Variants in NOL10 observed in about 807,000 individuals in gnomAD.
NOL10 encodes the protein nucleolar protein 10, also known as H_NH0074G24.1.
Under a neutral mutation model 103.5 loss-of-function variants are expected in NOL10, and 58 were observed. That is an observed-to-expected ratio of 0.56 (90% CI 0.45 to 0.70). The LOEUF is 0.70. Ranked by LOEUF, NOL10 falls within the 30% of genes least tolerant of loss-of-function variation. The probability of loss-of-function intolerance (pLI) is 0.00; values close to 1 mark genes in which losing one functional copy is unlikely to be tolerated. For missense variants in NOL10, 763 were observed against 807.3 expected (o/e 0.95, Z 0.67); for synonymous variants, 287 against 282.5 (o/e 1.02, Z -0.16).
intron 8 of NOL10, among the ~76,000 whole-genome samples, chr2:10,666,793 A>G (rs1224999902): frequency 6.6e-6 from 1 of 152,136 alleles, no homozygotes; most frequent in Non-Finnish European, 1.5e-5. Flanking sequence ...ACATATGCAT[A>G]TTGGCATATA....
intron 8 of NOL10, among the ~76,000 whole-genome samples, chr2:10,666,291 T>A (rs1005770645): frequency 1.3e-5 from 2 of 152,132 alleles, no homozygotes; most frequent in African/African-American, 4.8e-5. Context: ...ATTAATTCCA[T>A]CCATATGAAA....
chr2:10,579,263 T>C lies in NOL10; in HGVS notation c.1845-1525A>G, dbSNP rs1056948125. ...ATGTTATTAAGAAGCACTTTTAAAG[T>C]ACTTTTCATCTTCAAAGTTATTTAT... On this transcript the variant is annotated intron_variant, in intron 19 of 20. Coordinates refer to ENST00000381685, the MANE Select transcript of NOL10 (RefSeq NM_024894.4). 5.9e-5 allele frequency among the ~76,000 whole-genome samples: 9 copies of C among 152,236 alleles called. No homozygotes were observed. The East Asian group carries it at 1.5e-3, about 26-fold the overall frequency.
intron 19 of NOL10, among the ~76,000 whole-genome samples, chr2:10,584,976 C>T (rs1475493032): frequency 6.6e-6 from 1 of 152,200 alleles, no homozygotes; most frequent in Non-Finnish European, 1.5e-5. Context: ...CGCCTACCCC[C>T]AAATCACAGC....
At chr2:10,650,677 G>A (rs1286172996) in intron 12 of NOL10, among the ~76,000 whole-genome samples, 2 of 152,074 alleles carry the variant, frequency 1.3e-5, no homozygotes, top group African/African-American at 4.8e-5. Context: ...GATCGCTCGA[G>A]CCCAGGGGTT....
intron 13 of NOL10, among the ~76,000 whole-genome samples, chr2:10,639,426 A>C (rs1215065297): frequency 6.6e-6 from 1 of 152,152 alleles, no homozygotes; most frequent in Non-Finnish European, 1.5e-5. Context: ...CATCTAAATC[A>C]AACAGCTTCC....
intron 9 of NOL10, among the ~76,000 whole-genome samples, chr2:10,661,629 T>A (rs1680215952): frequency 6.6e-6 from 1 of 151,718 alleles, no homozygotes; most frequent in East Asian, 1.9e-4. Context: ...CTTCGGCCTT[T>A]CAAAGTGCTG....
In NOL10 at chr2:10,667,620, C is replaced by T. The variant is rs189895551; in HGVS notation, c.531-342G>A. 2.2e-3 allele frequency among the ~76,000 whole-genome samples: 342 copies of T among 152,324 alleles called. 1 individual carries two copies. Among genetic ancestry groups the T allele is most frequent in the African/African-American group, 7.8e-3 (324 of 41,574 alleles). ...CAGGTAACATTCTTAAAAGAACACA[C>T]GCTATCACCATGACAATCCTGAGCC... is the stretch of plus-strand genomic sequence containing the variant. On this transcript the variant is annotated intron_variant, in intron 7 of 20. Coordinates refer to ENST00000381685, the MANE Select transcript of NOL10 (RefSeq NM_024894.4).
At chr2:10,603,507 T>C (rs1029266491) in intron 14 of NOL10, among the ~76,000 whole-genome samples, 1 of 152,034 alleles carries the variant, frequency 6.6e-6, no homozygotes, top group African/African-American at 2.4e-5. Flanking sequence ...AGTTGCCAAA[T>C]TGAAATGAGG....
intron 13 of NOL10, among the ~76,000 whole-genome samples, chr2:10,628,877 G>C (rs1181540933): frequency 6.6e-6 from 1 of 151,982 alleles, no homozygotes; most frequent in Non-Finnish European, 1.5e-5. Context: ...TCCCAACAAC[G>C]ATCCATCACT....
chr2:10,605,241 C>T (rs1195220228), intron 14 of NOL10, among the ~76,000 whole-genome samples: 2 of 152,140 alleles, frequency 1.3e-5, no homozygotes, highest in Non-Finnish European at 2.9e-5. Flanking sequence ...TTTTTACAGA[C>T]GTAATTTTCC....
intron 1 of NOL10, among the ~76,000 whole-genome samples, chr2:10,685,429 G>T (rs1241119819): frequency 6.7e-6 from 1 of 148,594 alleles, no homozygotes; most frequent in Non-Finnish European, 1.5e-5. Context: ...GGAGGCGGAG[G>T]TTGCAGGGAG....
intron 13 of NOL10, 99 bp downstream of exon 13, chr2:10,644,221 A>G (rs1678905214): frequency 1.2e-6 from 1 of 855,314 alleles, no homozygotes; most frequent in Non-Finnish European, 1.7e-6. Context: ...GCACCCCAGC[A>G]TCGGTGATCG....
intron 9 of NOL10, among the ~76,000 whole-genome samples, chr2:10,661,756 C>A (rs1305354401): frequency 6.6e-6 from 1 of 152,106 alleles, no homozygotes; most frequent in African/African-American, 2.4e-5. Flanking sequence ...TGACAGCCTG[C>A]TTCCCCTATC....
At chr2:10,632,261 T>G (rs918140557) in intron 13 of NOL10, among the ~76,000 whole-genome samples, 3 of 152,162 alleles carry the variant, frequency 2.0e-5, no homozygotes, top group Non-Finnish European at 4.4e-5. Context: ...TGTCTTACAT[T>G]ACAATGGGGA....
intron 17 of NOL10, among the ~76,000 whole-genome samples, chr2:10,593,288 C>T (rs565436424): frequency 8.5e-5 from 13 of 152,114 alleles, no homozygotes; most frequent in South Asian, 8.3e-4. Context: ...TACAGGCACG[C>T]GCCACCACGG....
chr2:10,640,230 A>G (rs1408426461), intron 13 of NOL10, among the ~76,000 whole-genome samples: 5 of 152,198 alleles, frequency 3.3e-5, no homozygotes, highest in East Asian at 1.9e-4. Flanking sequence ...CCAAACGTCA[A>G]CTTGGTACGT....
intron 13 of NOL10, among the ~76,000 whole-genome samples, chr2:10,638,518 G>T (rs1180332070): frequency 2.2e-5 from 2 of 92,004 alleles, no homozygotes; most frequent in African/African-American, 9.0e-5. Context: ...TTGAGATAGA[G>T]TCTCACCCTG....
At chr2:10,645,790 A>C (rs1412700788) in intron 12 of NOL10, among the ~76,000 whole-genome samples, 1 of 151,968 alleles carries the variant, frequency 6.6e-6, no homozygotes. Flanking sequence ...CGGCCTCCCA[A>C]CATGCTGGGA....
intron 9 of NOL10, among the ~76,000 whole-genome samples, chr2:10,660,822 T>G (rs1382566935): frequency 1.3e-5 from 2 of 152,036 alleles, no homozygotes; most frequent in South Asian, 2.1e-4. Flanking sequence ...CATCTGGAAA[T>G]GACAGCCTGC....
Sources: gnomAD v4.1 joint callset for allele counts (sites outside exome capture counted in the v4.1 genomes callset) on GRCh38, gnomAD v4.1.1 for gene constraint, MANE v1.5 for transcripts, NCBI Gene and HGNC (gene_info 2026-07-23, HGNC 2026-07-21) for gene names.